TCEA1: variants seen among roughly 807,000 people sequenced by gnomAD.
TCEA1 encodes transcription elongation factor A protein 1.
A neutral mutation model predicts 43.8 loss-of-function variants in TCEA1; 21 were observed. That is an observed-to-expected ratio of 0.48 (90% CI 0.34 to 0.69). TCEA1 has a LOEUF of 0.69. Ranked by LOEUF, TCEA1 falls within the 30% of genes least tolerant of loss-of-function variation. The pLI, the probability that TCEA1 is intolerant of heterozygous loss-of-function variation, is 0.01. For missense variants in TCEA1, 250 were observed against 365.1 expected (o/e 0.68, Z 2.57); for synonymous variants, 104 against 117.5 (o/e 0.88, Z 0.75).
At chr8:54,016,395 C>A (rs890634755) in intron 1 of TCEA1, among the ~76,000 whole-genome samples, 7 of 151,586 alleles carry the variant, frequency 4.6e-5, no homozygotes, top group African/African-American at 1.7e-4. Flanking sequence ...GGTGGGAACC[C>A]GGGAGGCGGA....
rs1178218246 is a variant in TCEA1 at position 54,022,134 on chromosome 8, C to A, written c.-9G>T. On this transcript the variant is annotated 5_prime_UTR_variant, in exon 1 of 10. Coordinates refer to ENST00000521604, the MANE Select transcript of TCEA1 (RefSeq NM_006756.4). ...ACCACTTCGTCCTCCATGGCTCCGG[C>A]AGGTCTTCTCCGCGCCCACCCCGCT... 6.2e-7 allele frequency: 1 copy of A among 1,605,906 alleles called. No individual in the cohort carries two copies. The highest frequency in any genetic ancestry group is 8.5e-7 in the Non-Finnish European group (1 of 1,177,114).
At chr8:53,999,143 T>C (rs7821654) in intron 3 of TCEA1, among the ~76,000 whole-genome samples, 2 of 144,226 alleles carry the variant, frequency 1.4e-5, no homozygotes, top group Non-Finnish European at 3.0e-5. Flanking sequence ...CAGAATGGCA[T>C]GAACCCAGGA....
In TCEA1 at chr8:54,022,360, T is replaced by C. The variant is rs1003764318; in HGVS notation, c.-235A>G. On this transcript the variant is annotated 5_prime_UTR_variant, in exon 1 of 10. Transcript: ENST00000521604. ...AACACCGCGCGCGACGTGCAGGCGC[T>C]ACCAACTGACTGCAGATCGCTGGTG... The C allele has an allele frequency of 3.5e-6, 2 of 563,666 alleles. No individual in the cohort carries two copies. Among genetic ancestry groups the C allele is most frequent in the Admixed American group, 3.4e-5 (1 of 29,700 alleles). The allele number at this position is 563,666 out of a possible 1,614,324, so 34.9% of individuals were successfully genotyped here. A position where few individuals can be genotyped will look rare whatever the true frequency, so the allele number is the denominator to read the frequency against.
chr8:53,986,911 T>TG, intron 6 of TCEA1, 58 bp downstream of exon 6: 3 of 1,373,830 alleles, frequency 2.2e-6, no homozygotes, highest in Non-Finnish European at 3.0e-6. Context: ...CATTTGCATA[T>TG]GTTCAATAAA....
rs549529626 is a variant in TCEA1, at chr8:53,969,375, G to A, written c.897+1017C>T. ...TTGAAGAAGCCAAATGGATATCTTC[G>A]ACATGGTTTGGGACTCTGGCCCAAA... On this transcript the variant is annotated intron_variant, in intron 9 of 9. Transcript: ENST00000521604. Among the ~76,000 whole-genome samples, 17 of 152,184 alleles carry A rather than the reference G, an allele frequency of 1.1e-4. No individual in the cohort carries two copies. In the East Asian group the frequency reaches 1.9e-3, roughly 17 times the overall value.
At chr8:53,994,402 A>G (rs907512394) in intron 3 of TCEA1, among the ~76,000 whole-genome samples, 7 of 152,222 alleles carry the variant, frequency 4.6e-5, no homozygotes, top group African/African-American at 1.7e-4. Flanking sequence ...GTTTTTAATA[A>G]ATTTCCATAA....
At chr8:54,021,306 A>C (rs1377479047) in intron 1 of TCEA1, among the ~76,000 whole-genome samples, 1 of 152,208 alleles carries the variant, frequency 6.6e-6, no homozygotes, top group East Asian at 1.9e-4. Flanking sequence ...CCACAAAAGC[A>C]TATGCTTACA....
chr8:53,979,527 AACC>A lies in TCEA1; in HGVS notation c.679-359_679-357del, dbSNP rs764829581. ...CTCTTTCCTGGGCACAGGCCAAGTT[AACC>A]ATGGAAGGAATTTAGTTTAACTTTG... On this transcript the variant is annotated intron_variant, in intron 7 of 9. Coordinates refer to ENST00000521604, the MANE Select transcript of TCEA1 (RefSeq NM_006756.4). 1.9e-4 allele frequency among the ~76,000 whole-genome samples: 29 copies of A among 152,314 alleles called. 1 individual carries two copies. Among genetic ancestry groups the A allele is most frequent in the South Asian group, 1.7e-3 (8 of 4,828 alleles).
At chr8:53,988,823 T>C (rs562393694) in intron 4 of TCEA1, among the ~76,000 whole-genome samples, 5 of 152,254 alleles carry the variant, frequency 3.3e-5, no homozygotes, top group African/African-American at 9.6e-5. Context: ...TCCCAGCACT[T>C]TGGGAGGCCA....
chr8:54,011,775 T>C (rs556743613), intron 1 of TCEA1, among the ~76,000 whole-genome samples: 11 of 152,322 alleles, frequency 7.2e-5, no homozygotes, highest in South Asian at 2.1e-4. Flanking sequence ...AATTTTTCAT[T>C]TAAAGGTGAC....
intron 1 of TCEA1, among the ~76,000 whole-genome samples, chr8:54,013,573 C>G (rs1205979088): frequency 1.3e-5 from 2 of 148,992 alleles, no homozygotes; most frequent in Non-Finnish European, 3.0e-5. Flanking sequence ...CACAGCTACT[C>G]AGGAGGCTGA....
intron 1 of TCEA1, among the ~76,000 whole-genome samples, chr8:54,016,376 CAGG>C (rs1368139935): frequency 6.6e-6 from 1 of 152,058 alleles, no homozygotes; most frequent in African/African-American, 2.4e-5. Context: ...GAGGCTGAGG[CAGG>C]AGAATGGTGG....
chr8:54,010,304 A>G (rs1804611257), intron 2 of TCEA1, 126 bp downstream of exon 2: 1 of 711,342 alleles, frequency 1.4e-6, no homozygotes, highest in African/African-American at 1.9e-5. Context: ...TCTTTAAAAA[A>G]AAATAGCAGT....
intron 6 of TCEA1, among the ~76,000 whole-genome samples, chr8:53,984,962 A>G (rs959706865): frequency 3.9e-5 from 6 of 152,162 alleles, no homozygotes; most frequent in African/African-American, 9.7e-5. Flanking sequence ...ACAAGGTACT[A>G]TATCTAATTC....
chr8:54,004,782 TA>T (rs11443905), intron 2 of TCEA1, among the ~76,000 whole-genome samples: 85 of 138,370 alleles, frequency 6.1e-4, no homozygotes, highest in East Asian at 7.3e-4. Context: ...TAATACTGTT[TA>T]AAAAAAAAAA....
chr8:54,007,255 A>T (rs150245175), intron 2 of TCEA1, among the ~76,000 whole-genome samples: 13 of 152,218 alleles, frequency 8.5e-5, no homozygotes, highest in African/African-American at 3.1e-4. Context: ...AATACATAGG[A>T]TTATGAAGCA....
At chr8:53,977,170 A>G (rs1803357950) in intron 8 of TCEA1, among the ~76,000 whole-genome samples, 1 of 152,108 alleles carries the variant, frequency 6.6e-6, no homozygotes, top group African/African-American at 2.4e-5. Context: ...ATACAAAAAA[A>G]TTAGCCAGGC....
intron 2 of TCEA1, among the ~76,000 whole-genome samples, chr8:54,006,565 A>G (rs1461864594): frequency 6.6e-6 from 1 of 152,240 alleles, no homozygotes; most frequent in African/African-American, 2.4e-5. Context: ...AGAGATGCTC[A>G]TAAATATTAA....
intron 7 of TCEA1, among the ~76,000 whole-genome samples, chr8:53,981,732 A>G (rs1306594625): frequency 6.6e-6 from 1 of 151,804 alleles, no homozygotes; most frequent in Non-Finnish European, 1.5e-5. Context: ...TCTGCAGTTC[A>G]TGAATCAAGG....
Sources: gnomAD v4.1 joint callset for allele counts (sites outside exome capture counted in the v4.1 genomes callset) on GRCh38, gnomAD v4.1.1 for gene constraint, MANE v1.5 for transcripts, NCBI Gene and HGNC (gene_info 2026-07-23, HGNC 2026-07-21) for gene names.